Variants in KCNIP3 observed in about 807,000 individuals in gnomAD.
KCNIP3 encodes the protein calsenilin.
In KCNIP3, 28 loss-of-function variants were observed where a neutral mutation model predicts 35.0. That is an observed-to-expected ratio of 0.80 (90% CI 0.59 to 1.10). The LOEUF is 1.10. Among genes scored for constraint, KCNIP3 ranks in the 50% least tolerant of loss-of-function variants. The pLI, the probability that KCNIP3 is intolerant of heterozygous loss-of-function variation, is 0.00. For missense variants in KCNIP3, 295 were observed against 338.4 expected, an observed-to-expected ratio of 0.87 and a Z score of 1.01; for synonymous variants, 134 against 133.8, an observed-to-expected ratio of 1.00 and a Z score of -0.01.
At position 95,382,040 on chromosome 2, in the gene KCNIP3, G is replaced by T. The variant is rs1680359801; in HGVS notation, c.555+337G>T. Among the ~76,000 whole-genome samples the T allele has an allele frequency of 6.6e-6, 1 of 152,256 alleles. No homozygotes were observed. The highest frequency in any genetic ancestry group is 2.1e-4 in the South Asian group (1 of 4,830). On this transcript the variant is annotated intron_variant, in intron 6 of 8. Transcript: ENST00000295225. This position sits in a 1 kb window ranked among gnomAD's most constrained non-coding sequence, Gnocchi z 4.5. Reference sequence around the variant, plus strand: ...TGGCCCCCATCAAGTGAAGGGGGCAGTGCGGTCCCTTAAGGCATGGGTGGA... The same window carrying T: ...TGGCCCCCATCAAGTGAAGGGGGCATTGCGGTCCCTTAAGGCATGGGTGGA...
chr2:95,373,247 A>C (rs1680081291), intron 2 of KCNIP3, among the ~76,000 whole-genome samples: 1 of 152,204 alleles, frequency 6.6e-6, no homozygotes, highest in South Asian at 2.1e-4. Context: ...AGGTGTGGGC[A>C]CTCAGTGCTG....
intron 2 of KCNIP3, among the ~76,000 whole-genome samples, chr2:95,343,140 G>A (rs746155565): frequency 2.6e-5 from 4 of 152,080 alleles, no homozygotes; most frequent in East Asian, 1.9e-4. Flanking sequence ...AGAGATGGAC[G>A]AGGAGGCACA....
At chr2:95,311,170 C>CCGA in intron 2 of KCNIP3, 1 of 157,242 alleles carries the variant, frequency 6.4e-6, no homozygotes, top group Admixed American at 6.1e-5. Context: ...GCGGCCCCCA[C>CCGA]GATCTCACAC....
chr2:95,326,339 CAT>C (rs1444501129), intron 2 of KCNIP3, among the ~76,000 whole-genome samples: 3 of 152,084 alleles, frequency 2.0e-5, no homozygotes, highest in Non-Finnish European at 4.4e-5. Flanking sequence ...CATATACTCA[CAT>C]GTGCACACAT....
chr2:95,369,845 A>T (rs1407887309), intron 2 of KCNIP3, among the ~76,000 whole-genome samples: 1 of 152,014 alleles, frequency 6.6e-6, no homozygotes, highest in Admixed American at 6.5e-5. Flanking sequence ...GCTGGTCTCG[A>T]ACTCCTGGGC....
chr2:95,325,353 G>A (rs899475088), intron 2 of KCNIP3, among the ~76,000 whole-genome samples: 10 of 152,156 alleles, frequency 6.6e-5, no homozygotes, highest in Non-Finnish European at 1.3e-4. Flanking sequence ...GCAGGAGGGC[G>A]GGTGCGGAAA....
chr2:95,332,884 C>T (rs1553444385), intron 2 of KCNIP3, among the ~76,000 whole-genome samples: 1 of 152,210 alleles, frequency 6.6e-6, no homozygotes, highest in Non-Finnish European at 1.5e-5. Context: ...CCTCAATTTT[C>T]TCATCTGTTA....
chr2:95,346,778 C>A (rs1171387770), intron 2 of KCNIP3: 2 of 165,356 alleles, frequency 1.2e-5, no homozygotes, highest in Non-Finnish European at 2.6e-5. Flanking sequence ...CGGAAAGTTG[C>A]GCTCGGGCTC....
At chr2:95,380,051 T>C (rs1680300133) in intron 5 of KCNIP3, among the ~76,000 whole-genome samples, 1 of 152,198 alleles carries the variant, frequency 6.6e-6, no homozygotes, top group South Asian at 2.1e-4. Flanking sequence ...GTCCCAGCAT[T>C]GGCCCCTCTG....
intron 2 of KCNIP3, among the ~76,000 whole-genome samples, chr2:95,360,174 G>A (rs1306331903): frequency 7.5e-5 from 11 of 147,484 alleles, no homozygotes; most frequent in Non-Finnish European, 1.0e-4. Flanking sequence ...CTGGGCAACA[G>A]TGTGAGACTC....
chr2:95,333,660 A>AG (rs1678988658), intron 2 of KCNIP3, among the ~76,000 whole-genome samples: 1 of 152,190 alleles, frequency 6.6e-6, no homozygotes, highest in Non-Finnish European at 1.5e-5. Flanking sequence ...GGATTCAATG[A>AG]TACTATGTCA....
chr2:95,321,923 G>A (rs569150444), intron 2 of KCNIP3, among the ~76,000 whole-genome samples: 3 of 152,048 alleles, frequency 2.0e-5, no homozygotes, highest in African/African-American at 7.2e-5. Context: ...ACAGTGCCTG[G>A]TGGGACCTCA....
At chr2:95,347,130 G>C in intron 2 of KCNIP3, 1 of 1,605,440 alleles carries the variant, frequency 6.2e-7, no homozygotes, top group Non-Finnish European at 8.5e-7. Flanking sequence ...AAGGTAACGC[G>C]TGGCCACTTG....
intron 2 of KCNIP3, among the ~76,000 whole-genome samples, chr2:95,359,004 C>T (rs1296793245): frequency 6.6e-6 from 1 of 152,096 alleles, no homozygotes; most frequent in African/African-American, 2.4e-5. Context: ...AAAAAAGGTC[C>T]CATCTCTTAA....
At chr2:95,321,414 C>T (rs1257416216) in intron 2 of KCNIP3, among the ~76,000 whole-genome samples, 1 of 152,214 alleles carries the variant, frequency 6.6e-6, no homozygotes, top group African/African-American at 2.4e-5. Flanking sequence ...CCGGATGGAG[C>T]CCCAGAGACA....
intron 2 of KCNIP3, among the ~76,000 whole-genome samples, chr2:95,318,242 G>C (rs1203072775): frequency 6.6e-6 from 1 of 152,166 alleles, no homozygotes; most frequent in East Asian, 1.9e-4. Flanking sequence ...ACAGACTCAG[G>C]ACAAGCCTGG....
chr2:95,353,441 C>T (rs2104276092), intron 2 of KCNIP3, among the ~76,000 whole-genome samples: 1 of 152,326 alleles, frequency 6.6e-6, no homozygotes, highest in South Asian at 2.1e-4. Flanking sequence ...GCATCCTGAC[C>T]CGCAGGCCCT....
At chr2:95,338,914 G>A (rs1679126230) in intron 2 of KCNIP3, among the ~76,000 whole-genome samples, 1 of 152,172 alleles carries the variant, frequency 6.6e-6, no homozygotes, top group Admixed American at 6.5e-5. Flanking sequence ...TCCCTCGAAG[G>A]CCCATCCCCA....
intron 2 of KCNIP3, among the ~76,000 whole-genome samples, chr2:95,332,623 A>G (rs1678960029): frequency 6.6e-6 from 1 of 152,262 alleles, no homozygotes; most frequent in Non-Finnish European, 1.5e-5. Context: ...AGTGTGGGCC[A>G]TGGGATATTA....
Sources: allele counts gnomAD v4.1 joint callset (sites outside exome capture counted in the v4.1 genomes callset), GRCh38; gene constraint gnomAD v4.1.1; non-coding constraint Gnocchi (gnomAD v3.1); transcripts MANE v1.5; gene names NCBI Gene and HGNC (gene_info 2026-07-23, HGNC 2026-07-21).